Variants in RIN2 observed in about 807,000 individuals in gnomAD.
The protein encoded by RIN2 is RAB5 interacting protein 2.
Under a neutral mutation model 78.0 loss-of-function variants are expected in RIN2, and 36 were observed. That is an observed-to-expected ratio of 0.46 (90% CI 0.35 to 0.61). The LOEUF (loss-of-function observed/expected upper bound fraction) is 0.61. Ranked by LOEUF, RIN2 falls within the 20% of genes least tolerant of loss-of-function variation. The pLI is 0.00. For synonymous variants in RIN2, 466 were observed against 466.8 expected (o/e 1.00, Z 0.02); for missense variants, 1,087 against 1,159.7 (o/e 0.94, Z 0.91).
At chr20:19,947,437 A>T (rs2041141417) in intron 4 of RIN2, among the ~76,000 whole-genome samples, 1 of 152,224 alleles carries the variant, frequency 6.6e-6, no homozygotes, top group African/African-American at 2.4e-5. Context: ...TTTTCCACTT[A>T]GTAGCAAAAC....
At chr20:19,966,906 GAC>G (rs10653532) in intron 7 of RIN2, among the ~76,000 whole-genome samples, 25 of 150,218 alleles carry the variant, frequency 1.7e-4, no homozygotes, top group South Asian at 4.2e-4. Context: ...GCCCCCAACA[GAC>G]ACACACACAC....
chr20:19,771,718 T>C (rs1453143300), intron 1 of RIN2, among the ~76,000 whole-genome samples: 1 of 152,214 alleles, frequency 6.6e-6, no homozygotes, highest in African/African-American at 2.4e-5. Context: ...GTATTTCCTT[T>C]CTTCTCCTCT....
chr20:19,848,530 A>G (rs553556725), intron 2 of RIN2, among the ~76,000 whole-genome samples: 2 of 126,434 alleles, frequency 1.6e-5, no homozygotes, highest in African/African-American at 3.6e-5. Context: ...GCAAGACTCC[A>G]TCTCAAAAAA....
chr20:19,879,310 ATTTTGGAGAACTGTTACTTTCTTTATGC>A (rs1299612038), intron 2 of RIN2, among the ~76,000 whole-genome samples: 25 of 152,200 alleles, frequency 1.6e-4, no homozygotes, highest in Admixed American at 5.2e-4. Context: ...ATACTAAGTT[ATTTTGGAGAACTGTTACTTTCTTTATGC>A]TTTTCCCTTG....
intron 2 of RIN2, among the ~76,000 whole-genome samples, chr20:19,806,350 G>A (rs952400769): frequency 4.6e-5 from 7 of 152,156 alleles, no homozygotes; most frequent in Admixed American, 6.5e-5. Flanking sequence ...GTGTAAAAGC[G>A]TTCCTATTTC....
At chr20:19,978,917 C>T (rs557295090) in intron 9 of RIN2, among the ~76,000 whole-genome samples, 16 of 152,318 alleles carry the variant, frequency 1.1e-4, no homozygotes, top group African/African-American at 3.1e-4. Flanking sequence ...CAGTGTGCTG[C>T]GCTCATTACT....
intron 3 of RIN2, among the ~76,000 whole-genome samples, chr20:19,896,496 C>T (rs182549975): frequency 6.6e-6 from 1 of 152,338 alleles, no homozygotes; most frequent in Admixed American, 6.5e-5. Flanking sequence ...ATGTTGCCCC[C>T]TTGGCCTCCC....
chr20:19,920,679 G>A (rs1428159343), intron 3 of RIN2, among the ~76,000 whole-genome samples: 2 of 152,066 alleles, frequency 1.3e-5, no homozygotes, highest in East Asian at 3.9e-4. Context: ...TTTTGTTTTC[G>A]TTTTTGTTTT....
At chr20:19,819,495 T>G (rs2035867470) in intron 2 of RIN2, among the ~76,000 whole-genome samples, 2 of 152,230 alleles carry the variant, frequency 1.3e-5, no homozygotes, top group African/African-American at 4.8e-5. Context: ...ACTTTCCCTT[T>G]TATTGATACA....
intron 2 of RIN2, among the ~76,000 whole-genome samples, chr20:19,840,778 C>T (rs555195786): frequency 1.3e-5 from 2 of 152,168 alleles, no homozygotes; most frequent in Non-Finnish European, 2.9e-5. Flanking sequence ...TCCACAAGCT[C>T]CTTTCATGGG....
chr20:19,776,783 G>A (rs768475676), intron 1 of RIN2, among the ~76,000 whole-genome samples: 26 of 151,820 alleles, frequency 1.7e-4, no homozygotes, highest in Non-Finnish European at 3.8e-4. Flanking sequence ...CCCACAGCCT[G>A]GAAACCCCTT....
At chr20:19,960,519 A>G (rs1475127841) in intron 5 of RIN2, among the ~76,000 whole-genome samples, 181 bp from the exon 6 acceptor site, 1 of 152,184 alleles carries the variant, frequency 6.6e-6, no homozygotes, top group African/African-American at 2.4e-5. Flanking sequence ...GGCAGTAATG[A>G]ACAAAGGTGT....
chr20:19,913,235 T>G (rs895795630), intron 3 of RIN2, among the ~76,000 whole-genome samples: 13 of 146,576 alleles, frequency 8.9e-5, no homozygotes, highest in African/African-American at 2.4e-4. Context: ...GATCTTACTG[T>G]TTTTTTTTTA....
intron 1 of RIN2, among the ~76,000 whole-genome samples, chr20:19,774,369 A>C (rs2034238081): frequency 6.6e-6 from 1 of 152,172 alleles, no homozygotes; most frequent in African/African-American, 2.4e-5. Flanking sequence ...TAGGAATGTG[A>C]ACTGGGCACA....
chr20:19,909,712 C>T (rs970990788), intron 3 of RIN2, among the ~76,000 whole-genome samples: 6 of 152,178 alleles, frequency 3.9e-5, no homozygotes, highest in Non-Finnish European at 8.8e-5. Flanking sequence ...ACAGTCTCGC[C>T]GCACAGGTCC....
chr20:19,855,531 C>A (rs2037136449), intron 2 of RIN2, among the ~76,000 whole-genome samples: 1 of 152,134 alleles, frequency 6.6e-6, no homozygotes, highest in African/African-American at 2.4e-5. Context: ...CTGGTTGGTA[C>A]ATTTGCCATC....
At chr20:19,778,450 A>T (rs760639002) in intron 1 of RIN2, among the ~76,000 whole-genome samples, 9 of 152,208 alleles carry the variant, frequency 5.9e-5, no homozygotes, top group Admixed American at 2.0e-4. Context: ...GGGTACTCAC[A>T]GTTTTGTGGG....
intron 2 of RIN2, among the ~76,000 whole-genome samples, chr20:19,885,737 G>A (rs1003698376): frequency 6.6e-6 from 1 of 151,364 alleles, no homozygotes; most frequent in East Asian, 1.9e-4. Context: ...ACAGGAGATT[G>A]TAAGTGCACA....
At chr20:19,846,114 T>G (rs1373089110) in intron 2 of RIN2, among the ~76,000 whole-genome samples, 6 of 152,220 alleles carry the variant, frequency 3.9e-5, no homozygotes, top group African/African-American at 7.2e-5. Context: ...ATTACTGTGC[T>G]GTTTTGGTTA....
Sources: gnomAD v4.1 joint callset for allele counts (sites outside exome capture counted in the v4.1 genomes callset) on GRCh38, gnomAD v4.1.1 for gene constraint, MANE v1.5 for transcripts, NCBI Gene and HGNC (gene_info 2026-07-23, HGNC 2026-07-21) for gene names.